GFPT2: variants seen among roughly 807,000 people sequenced by gnomAD.
GFPT2 encodes glutamine--fructose-6-phosphate transaminase 2.
A neutral mutation model predicts 85.6 loss-of-function variants in GFPT2; 62 were observed. The observed-to-expected ratio is 0.72, with a 90% CI of 0.59 to 0.90. The LOEUF (loss-of-function observed/expected upper bound fraction) is 0.90. Ranked by LOEUF, GFPT2 falls within the 40% of genes least tolerant of loss-of-function variation. GFPT2 has a pLI of 0.00. For missense variants in GFPT2, 788 were observed against 893.4 expected, an observed-to-expected ratio of 0.88 and a Z score of 1.50; for synonymous variants, 368 against 344.5, an observed-to-expected ratio of 1.07 and a Z score of -0.75.
At chr5:180,329,105 T>C (rs1257771896) in intron 6 of GFPT2, among the ~76,000 whole-genome samples, 1 of 152,206 alleles carries the variant, frequency 6.6e-6, no homozygotes, top group Non-Finnish European at 1.5e-5. Flanking sequence ...CTGTACTAAC[T>C]TACCGCAACC....
intron 1 of GFPT2, among the ~76,000 whole-genome samples, chr5:180,351,327 A>G (rs1714534858): frequency 6.6e-6 from 1 of 152,204 alleles, no homozygotes; most frequent in Non-Finnish European, 1.5e-5. Flanking sequence ...GTTAGCACCA[A>G]GTTGAAACTT....
chr5:180,312,336 T>C (rs1763909595), intron 15 of GFPT2, 94 bp downstream of exon 15: 1 of 742,094 alleles, frequency 1.3e-6, no homozygotes, highest in African/African-American at 1.8e-5. Flanking sequence ...GAAGAAGAAA[T>C]GAACAACATC....
chr5:180,343,162 T>C (rs1486575608), intron 1 of GFPT2, among the ~76,000 whole-genome samples: 2 of 152,202 alleles, frequency 1.3e-5, no homozygotes, highest in Non-Finnish European at 2.9e-5. Context: ...ATGTACCCAT[T>C]GCCAACTCTG....
At chr5:180,352,226 G>A (rs1189285577) in intron 1 of GFPT2, 2 of 356,664 alleles carry the variant, frequency 5.6e-6, no homozygotes, top group Non-Finnish European at 1.1e-5. Flanking sequence ...CACCGCGGGC[G>A]CACCCCACCC....
In GFPT2 at chr5:180,301,628, C is replaced by T; in HGVS notation, c.2005-20G>A. On this transcript the variant is annotated intron_variant, in intron 18 of 18. Coordinates refer to ENST00000253778, the MANE Select transcript of GFPT2 (RefSeq NM_005110.4). Reference sequence around the variant, plus strand: ...GTCAACCTAAAATGAAAGAAAGTGACTGTTCAGGACCCCAAAGATCTCAGC... The same window carrying T: ...GTCAACCTAAAATGAAAGAAAGTGATTGTTCAGGACCCCAAAGATCTCAGC... 2.5e-6 allele frequency: 4 copies of T among 1,605,424 alleles called. No homozygotes were observed. The highest frequency in any genetic ancestry group is 3.4e-6 in the Non-Finnish European group (4 of 1,172,082).
At chr5:180,313,313 C>T (rs1763931275) in intron 14 of GFPT2, among the ~76,000 whole-genome samples, 2 of 151,554 alleles carry the variant, frequency 1.3e-5, no homozygotes, top group South Asian at 2.1e-4. Flanking sequence ...ATATGGGGGC[C>T]GGGCACGGGG....
chr5:180,340,729 T>C (rs1202958799), intron 1 of GFPT2, among the ~76,000 whole-genome samples: 1 of 149,344 alleles, frequency 6.7e-6, no homozygotes, highest in Non-Finnish European at 1.5e-5. Context: ...TTAGCCAGGA[T>C]GGTCTCAATC....
intron 4 of GFPT2, among the ~76,000 whole-genome samples, chr5:180,333,526 G>A (rs1259124118): frequency 6.6e-6 from 1 of 152,196 alleles, no homozygotes; most frequent in East Asian, 1.9e-4. Flanking sequence ...GAGCCACCAT[G>A]CCTGGCCGGT....
At chr5:180,309,234 A>C (rs1407639211) in intron 15 of GFPT2, among the ~76,000 whole-genome samples, 1 of 152,144 alleles carries the variant, frequency 6.6e-6, no homozygotes, top group Non-Finnish European at 1.5e-5. Flanking sequence ...GTTTTCTAAC[A>C]CTCAAAAGTT....
At position 180,331,534 on chromosome 5, in the gene GFPT2, A is replaced by G. The variant is rs1275797257; in HGVS notation, c.360T>C (p.Asn120=). 1.3e-6 allele frequency: 2 copies of G among 1,588,846 alleles called. No homozygotes were observed. The highest frequency in any genetic ancestry group is 8.6e-7 in the Non-Finnish European group (1 of 1,156,956). ...DKGNEFVVIH[N]GIITNYKDLR... is the part of the protein sequence containing the mutation. ...GATCTTTGTAATTTGTGATGATCCCATTGTGGATGACAACAAATTCTGAAA... is the reference window on the plus strand; with the variant it reads ...GATCTTTGTAATTTGTGATGATCCCGTTGTGGATGACAACAAATTCTGAAA... Residue 120 remains asparagine, a synonymous_variant, in exon 5 of 19, where the codon AAT becomes AAC. Coordinates refer to ENST00000253778, the MANE Select transcript of GFPT2 (RefSeq NM_005110.4).
intron 10 of GFPT2, among the ~76,000 whole-genome samples, chr5:180,317,776 A>C (rs1035481613): frequency 1.3e-5 from 2 of 151,266 alleles, no homozygotes; most frequent in Non-Finnish European, 2.9e-5. Context: ...AAAAAAAAAA[A>C]ACCTTTCCAG....
intron 13 of GFPT2, among the ~76,000 whole-genome samples, chr5:180,314,434 T>G (rs910185297): frequency 6.6e-6 from 1 of 152,216 alleles, no homozygotes; most frequent in Non-Finnish European, 1.5e-5. Flanking sequence ...GGACACTTCT[T>G]GCAAGCCTCT....
Position 180,308,117 on chromosome 5 carries a change from A to T in GFPT2, c.1547-814T>A, listed in dbSNP as rs563950428. ...TAAAAATACAAAAAATTAGCCGGGC[A>T]TGGTGGCGGGCGCCTGTAGTCCCAG... On this transcript the variant is annotated intron_variant, in intron 15 of 18. Transcript: ENST00000253778. Among the ~76,000 whole-genome samples the T allele has an allele frequency of 1.9e-4, 29 of 152,130 alleles. No individual in the cohort carries two copies. The South Asian group carries it at 5.8e-3, about 31-fold the overall frequency.
rs72363427 is a variant in GFPT2 at position 180,307,145 on chromosome 5, GTGGGGGTGGGGGC to G, written c.1674+18_1674+30del. 326,782 of 1,533,694 alleles carry G rather than the reference GTGGGGGTGGGGGC, an allele frequency of 0.21. 36,086 individuals are homozygous for G. Among genetic ancestry groups the G allele is most frequent in the East Asian group, 0.39 (16,120 of 41,164 alleles). On this transcript the variant is annotated intron_variant, in intron 16 of 18. Coordinates refer to ENST00000253778, the MANE Select transcript of GFPT2 (RefSeq NM_005110.4). Reference sequence around the variant, plus strand: ...TCAGGGTCTCCTGTGCCTGTCCTCCGTGGGGGTGGGGGCTGGGGGTGGGGGCTCACCAGGGCTC... The same window carrying G: ...TCAGGGTCTCCTGTGCCTGTCCTCCGTGGGGGTGGGGGCTCACCAGGGCTC...
rs77254697 is a variant in GFPT2 at position 180,327,758 on chromosome 5, C to T, written c.596+519G>A. Reference sequence around the variant, plus strand: ...AAATCCATGCAGCACTGGGGGCCCACCGTAACAGAGGGACACATTGGGGCA... The same window carrying T: ...AAATCCATGCAGCACTGGGGGCCCATCGTAACAGAGGGACACATTGGGGCA... On this transcript the variant is annotated intron_variant, in intron 7 of 18. Coordinates refer to ENST00000253778, the MANE Select transcript of GFPT2 (RefSeq NM_005110.4). Among the ~76,000 whole-genome samples, 705 of 152,314 alleles carry T rather than the reference C, an allele frequency of 4.6e-3. 20 individuals carry two copies. The South Asian group carries it at 0.049, about 11-fold the overall frequency.
Position 180,306,466 on chromosome 5 carries a change from C to T in GFPT2, c.1674+710G>A, listed in dbSNP as rs150136961. Among the ~76,000 whole-genome samples, 283 of 152,376 alleles carry T rather than the reference C, an allele frequency of 1.9e-3. 1 individual carries two copies. The highest frequency in any genetic ancestry group is 6.4e-3 in the African/African-American group (268 of 41,600). On this transcript the variant is annotated intron_variant, in intron 16 of 18. Transcript: ENST00000253778. The stretch of plus-strand genomic sequence containing the variant: ...GCTGACAGCGAGGAAAGGGCAAGTC[C>T]GAGATGCAGGACCCTGCACGGCTCT...
chr5:180,305,330 C>T (rs1763756358), intron 16 of GFPT2, among the ~76,000 whole-genome samples: 1 of 152,206 alleles, frequency 6.6e-6, no homozygotes, highest in Non-Finnish European at 1.5e-5. Flanking sequence ...TTAGCTACAC[C>T]TTCAGTTAAT....
intron 17 of GFPT2, 73 bp downstream of exon 17, chr5:180,304,699 C>G: frequency 7.5e-7 from 1 of 1,331,406 alleles, no homozygotes; most frequent in Non-Finnish European, 1.1e-6. Context: ...CTGGTACTGG[C>G]AGACAGTGGT....
At chr5:180,339,771 A>AGGGG in intron 1 of GFPT2, among the ~76,000 whole-genome samples, 1 of 152,190 alleles carries the variant, frequency 6.6e-6, no homozygotes, top group Non-Finnish European at 1.5e-5. Flanking sequence ...TGGCCACCTC[A>AGGGG]GTGCTCTCAC....
Sources: gnomAD v4.1 joint callset for allele counts (sites outside exome capture counted in the v4.1 genomes callset) on GRCh38, gnomAD v4.1.1 for gene constraint, MANE v1.5 for transcripts, NCBI Gene and HGNC (gene_info 2026-07-23, HGNC 2026-07-21) for gene names.